The following GJB3 variants were observed in gnomAD, a reference collection of about 807,000 sequenced individuals.
The protein encoded by GJB3 is gap junction protein beta 3.
GJB3 carries 6 observed loss-of-function variants against 8.1 expected under a neutral mutation model. That is an observed-to-expected ratio of 0.75 (90% CI 0.41 to 1.47). The LOEUF (loss-of-function observed/expected upper bound fraction) is 1.47, where lower values mean the gene tolerates loss of function less well. Among genes scored for constraint, GJB3 ranks in the 40% most tolerant of loss-of-function variants. The probability of loss-of-function intolerance (pLI) is 0.02; values close to 1 mark genes in which losing one functional copy is unlikely to be tolerated. For synonymous variants in GJB3, 137 were observed against 156.4 expected, an observed-to-expected ratio of 0.88 and a Z score of 0.93; for missense variants, 348 against 365.6, an observed-to-expected ratio of 0.95 and a Z score of 0.39.
chr1:34,782,726 A>T (rs1189363408), intron 1 of GJB3, among the ~76,000 whole-genome samples: 1 of 152,066 alleles, frequency 6.6e-6, no homozygotes, highest in East Asian at 1.9e-4. Flanking sequence ...CCAGACTGTG[A>T]TTCCCAGAGG....
At position 34,785,422 on chromosome 1, in the gene GJB3, G is replaced by C; in HGVS notation, c.660G>C (p.Lys220Asn). ...ACAGGGTCCTGCGAGGCCTGCACAA[G>C]GACAAGCCTCGAGGGGGTTGCAGCC... ...ICHRVLRGLHKDKPRGGCSPS... is the reference protein window; with the variant it reads ...ICHRVLRGLHNDKPRGGCSPS... The change falls in exon 2 of 2, where the codon AAG becomes AAC. Residue 220 changes from lysine to asparagine, a missense_variant. Physicochemically the swap from Lys to Asn is moderately conservative, Grantham distance 94 (BLOSUM62 0). Transcript: ENST00000373366. The surrounding 1 kb of genome is among the most constrained non-coding windows in gnomAD (Gnocchi z 4.7). 1 of 1,613,348 alleles carries C rather than the reference G, an allele frequency of 6.2e-7. No individual in the cohort carries two copies. The highest frequency in any genetic ancestry group is 8.5e-7 in the Non-Finnish European group (1 of 1,179,576).
Position 34,784,826 on chromosome 1 carries a change from C to A in GJB3, c.64C>A (p.Arg22Ser). The change falls in exon 2 of 2, where the codon CGC (arginine) becomes AGC (serine). Residue 22 changes from arginine to serine, a missense_variant. Arg to Ser is a moderately radical substitution (Grantham distance 110). Coordinates refer to ENST00000373366, the MANE Select transcript of GJB3 (RefSeq NM_024009.3). Reference sequence around the variant, plus strand: ...GAACAAGTACTCCACAGCGTTCGGGCGCATCTGGCTGTCCGTGGTGTTCGT... The same window carrying A: ...GAACAAGTACTCCACAGCGTTCGGGAGCATCTGGCTGTCCGTGGTGTTCGT... ...GVNKYSTAFG[R>S]IWLSVVFVFR... 1.1e-5 allele frequency: 18 copies of A among 1,614,214 alleles called. No homozygotes were observed. Among genetic ancestry groups the A allele is most frequent in the Non-Finnish European group, 1.4e-5 (17 of 1,180,038 alleles).
At position 34,785,265 on chromosome 1, in the gene GJB3, C is replaced by A. The variant is rs779723678; in HGVS notation, c.503C>A (p.Ala168Asp). 49 of 1,613,790 alleles carry A rather than the reference C, an allele frequency of 3.0e-5. No homozygotes were observed. Among genetic ancestry groups the A allele is most frequent in the Non-Finnish European group, 4.2e-5 (49 of 1,179,996 alleles). ...MPRLVQCANV[A>D]PCPNIVDCYI... ...CGCCTGGTGCAGTGTGCCAACGTGG[C>A]CCCCTGCCCCAACATCGTGGACTGC... The change falls in exon 2 of 2, where the codon GCC becomes GAC. Residue 168 changes from alanine to aspartate, a missense_variant. Ala to Asp is a moderately radical substitution (Grantham distance 126, BLOSUM62 -2). Transcript: ENST00000373366. This position sits in a 1 kb window ranked among gnomAD's most constrained non-coding sequence, Gnocchi z 4.7.
In GJB3 at chr1:34,786,351, T is replaced by C. The variant is rs1640117585; in HGVS notation, c.*776T>C. On this transcript the variant is annotated 3_prime_UTR_variant, in exon 2 of 2. Coordinates refer to ENST00000373366, the MANE Select transcript of GJB3 (RefSeq NM_024009.3). This position sits in a 1 kb window ranked among gnomAD's most constrained non-coding sequence, Gnocchi z 4.4. ...AGACAGTTTCCTTGAAATCAATAAATACTGTGTTTTATACAGGTTGGCTCT... is the reference window on the plus strand; with the variant it reads ...AGACAGTTTCCTTGAAATCAATAAACACTGTGTTTTATACAGGTTGGCTCT... The C allele has an allele frequency of 6.0e-6, 1 of 167,168 alleles. No individual in the cohort carries two copies. Among genetic ancestry groups the C allele is most frequent in the Non-Finnish European group, 1.5e-5 (1 of 68,176 alleles). 10.4% of individuals were successfully genotyped at this position (167,168 alleles called of 1,614,324 possible).
rs1198515472 is a variant in GJB3, at chr1:34,785,586, G to C, written c.*11G>C. The stretch of plus-strand genomic sequence containing the variant: ...CTGACCCCCATCTGACCACAGGGCA[G>C]GGGTGGGGCAACATGCGGGCTGCCA... On this transcript the variant is annotated 3_prime_UTR_variant, in exon 2 of 2. Coordinates refer to ENST00000373366, the MANE Select transcript of GJB3 (RefSeq NM_024009.3). The surrounding 1 kb of genome is among the most constrained non-coding windows in gnomAD (Gnocchi z 4.7). 1 of 1,610,590 alleles carries C rather than the reference G, an allele frequency of 6.2e-7. No homozygotes were observed. Among genetic ancestry groups the C allele is most frequent in the Non-Finnish European group, 8.5e-7 (1 of 1,177,154 alleles).
rs373186826 is a variant in GJB3 at position 34,784,948 on chromosome 1, C to T, written c.186C>T (p.Asn62=). ...ACACCAAGCAGCCCGGCTGCACCAA[C>T]GTCTGCTACGACAACTACTTCCCCA... is the stretch of plus-strand genomic sequence containing the variant. The part of the protein sequence containing the change: ...DCNTKQPGCT[N]VCYDNYFPIS... Residue 62 remains asparagine (N), a synonymous_variant, in exon 2 of 2, where the codon AAC becomes AAT. Coordinates refer to ENST00000373366, the MANE Select transcript of GJB3 (RefSeq NM_024009.3). 72 of 1,614,106 alleles carry T rather than the reference C, an allele frequency of 4.5e-5. No homozygotes were observed. In the Middle Eastern group the frequency reaches 4.9e-4, roughly 11 times the overall value.
Position 34,785,797 on chromosome 1 carries a change from G to A in GJB3, c.*222G>A. 1 of 602,270 alleles carries A rather than the reference G, an allele frequency of 1.7e-6. No individual in the cohort carries two copies. The highest frequency in any genetic ancestry group is 3.0e-6 in the Non-Finnish European group (1 of 329,092). 37.3% of individuals were successfully genotyped at this position (602,270 alleles called of 1,614,324 possible). On this transcript the variant is annotated 3_prime_UTR_variant, in exon 2 of 2. Coordinates refer to ENST00000373366, the MANE Select transcript of GJB3 (RefSeq NM_024009.3). The surrounding 1 kb of genome is among the most constrained non-coding windows in gnomAD (Gnocchi z 4.7). The stretch of plus-strand genomic sequence containing the variant: ...CCAGCCCTCAAAGGACATAGACTTT[G>A]AAACAAGCGAATTAACTATCTACGC...
intron 1 of GJB3, among the ~76,000 whole-genome samples, chr1:34,783,070 T>C (rs753514205): frequency 4.6e-5 from 7 of 152,050 alleles, no homozygotes; most frequent in African/African-American, 7.2e-5. Flanking sequence ...GACTAAGTGC[T>C]ATAAAGAAAA....
Position 34,785,348 on chromosome 1 carries a change from G to A in GJB3, c.586G>A (p.Ala196Thr), listed in dbSNP as rs138304650. Residue 196 changes from alanine to threonine, a missense_variant, in exon 2 of 2, where the codon GCC becomes ACC. Physicochemically the swap from Ala to Thr is moderately conservative, Grantham distance 58. Coordinates refer to ENST00000373366, the MANE Select transcript of GJB3 (RefSeq NM_024009.3). The surrounding 1 kb of genome is among the most constrained non-coding windows in gnomAD (Gnocchi z 4.7). The stretch of plus-strand genomic sequence containing the variant: ...CACCTACTTCATGGTGGGCGCCTCC[G>A]CCGTCTGCATCGTACTCACCATCTG... Reference protein sequence around the residue: ...IFTYFMVGASAVCIVLTICEL... With the variant: ...IFTYFMVGASTVCIVLTICEL... 25 of 1,613,242 alleles carry A rather than the reference G, an allele frequency of 1.5e-5. No individual in the cohort carries two copies. Among genetic ancestry groups the A allele is most frequent in the Middle Eastern group, 3.3e-4 (2 of 6,084 alleles).
intron 1 of GJB3, chr1:34,782,439 C>G (rs1640027306): frequency 6.6e-6 from 1 of 152,158 alleles, no homozygotes; most frequent in Non-Finnish European, 1.5e-5. Flanking sequence ...TGAACTCCCA[C>G]CAGGTGAGTA....
intron 1 of GJB3, among the ~76,000 whole-genome samples, chr1:34,784,124 A>T (rs925817565): frequency 6.6e-6 from 1 of 152,210 alleles, no homozygotes; most frequent in African/African-American, 2.4e-5. Flanking sequence ...TTCACAGTAT[A>T]GTAGTGAGGC....
Position 34,785,123 on chromosome 1 carries a change from G to A in GJB3, c.361G>A (p.Gly121Ser). The change falls in exon 2 of 2, where the codon GGC (glycine) becomes AGC (serine). Residue 121 changes from glycine to serine, a missense_variant. Gly to Ser is a moderately conservative substitution (Grantham distance 56). Coordinates refer to ENST00000373366, the MANE Select transcript of GJB3 (RefSeq NM_024009.3). This position sits in a 1 kb window ranked among gnomAD's most constrained non-coding sequence, Gnocchi z 4.7. ...GTGCGCCAAGCTGTACGACAACGCAGGCAAGAAGCACGGAGGCCTGTGGTG... is the reference window on the plus strand; with the variant it reads ...GTGCGCCAAGCTGTACGACAACGCAAGCAAGAAGCACGGAGGCCTGTGGTG... ...DQCAKLYDNA[G>S]KKHGGLWWTY... 6.2e-7 allele frequency: 1 copy of A among 1,614,140 alleles called. No individual in the cohort carries two copies. The highest frequency in any genetic ancestry group is 8.5e-7 in the Non-Finnish European group (1 of 1,180,038).
intron 1 of GJB3, among the ~76,000 whole-genome samples, chr1:34,782,618 C>G (rs1640029589): frequency 6.6e-6 from 1 of 152,140 alleles, no homozygotes; most frequent in Non-Finnish European, 1.5e-5. Flanking sequence ...TCCATGCTAT[C>G]CCACTCCCTT....
Position 34,785,098 on chromosome 1 carries a change from G to T in GJB3, c.336G>T (p.Gln112His), listed in dbSNP as rs1640083268. 6.2e-7 allele frequency: 1 copy of T among 1,614,022 alleles called. No homozygotes were observed. The highest frequency in any genetic ancestry group is 1.3e-5 in the African/African-American group (1 of 74,928). ...ERRHRQKHGD[Q>H]CAKLYDNAGK... ...GGCACCGCCAGAAACACGGGGACCA[G>T]TGCGCCAAGCTGTACGACAACGCAG... The change falls in exon 2 of 2, where the codon CAG (glutamine) becomes CAT (histidine). Residue 112 changes from glutamine (Q) to histidine (H), a missense_variant. Gln to His is a conservative substitution (Grantham distance 24, BLOSUM62 0). Coordinates refer to ENST00000373366, the MANE Select transcript of GJB3 (RefSeq NM_024009.3). The surrounding 1 kb of genome is among the most constrained non-coding windows in gnomAD (Gnocchi z 4.7).
rs764266948 is a variant in GJB3, at chr1:34,785,001, A to G, written c.239A>G (p.Gln80Arg). ...PISNIRLWAL[Q>R]LIFVTCPSLL... Reference sequence around the variant, plus strand: ...TCCAACATCCGCCTCTGGGCCCTGCAGCTCATCTTCGTCACATGCCCCTCG... The same window carrying G: ...TCCAACATCCGCCTCTGGGCCCTGCGGCTCATCTTCGTCACATGCCCCTCG... Residue 80 changes from glutamine (Q) to arginine (R), a missense_variant, in exon 2 of 2, where the codon CAG becomes CGG. Transcript: ENST00000373366. The surrounding 1 kb of genome is among the most constrained non-coding windows in gnomAD (Gnocchi z 4.7). The G allele has an allele frequency of 1.2e-6, 2 of 1,614,176 alleles. No homozygotes were observed. Among genetic ancestry groups the G allele is most frequent in the South Asian group, 2.2e-5 (2 of 91,084 alleles).
At position 34,785,545 on chromosome 1, in the gene GJB3, G is replaced by A. The variant is rs771511736; in HGVS notation, c.783G>A (p.Gln261=). Residue 261 remains glutamine (Q), a synonymous_variant, in exon 2 of 2, where the codon CAG becomes CAA. Transcript: ENST00000373366. The surrounding 1 kb of genome is among the most constrained non-coding windows in gnomAD (Gnocchi z 4.7). The part of the protein sequence containing the change: ...VDPDPGNNKL[Q]ASAPNLTPI ...CAGACCCAGGCAATAACAAGCTGCA[G>A]GCTTCAGCACCCAACCTGACCCCCA... 1 of 1,614,148 alleles carries A rather than the reference G, an allele frequency of 6.2e-7. No individual in the cohort carries two copies. The highest frequency in any genetic ancestry group is 8.5e-7 in the Non-Finnish European group (1 of 1,180,028).
rs754114859 is a variant in GJB3 at position 34,784,916 on chromosome 1, G to C, written c.154G>C (p.Asp52His). ...RVWGDEQKDF[D>H]CNTKQPGCTN... ...GTGGGGGGATGAGCAGAAGGACTTTGACTGCAACACCAAGCAGCCCGGCTG... is the reference window on the plus strand; with the variant it reads ...GTGGGGGGATGAGCAGAAGGACTTTCACTGCAACACCAAGCAGCCCGGCTG... The change falls in exon 2 of 2, where the codon GAC (aspartate) becomes CAC (histidine). Residue 52 changes from aspartate (D) to histidine (H), a missense_variant. Asp to His is a moderately conservative substitution (Grantham distance 81, BLOSUM62 -1). Transcript: ENST00000373366. 1.2e-6 allele frequency: 2 copies of C among 1,614,166 alleles called. No individual in the cohort carries two copies. The highest frequency in any genetic ancestry group is 1.1e-5 in the South Asian group (1 of 91,080).
At chr1:34,783,170 C>T (rs1175287509) in intron 1 of GJB3, among the ~76,000 whole-genome samples, 3 of 151,178 alleles carry the variant, frequency 2.0e-5, no homozygotes, top group Non-Finnish European at 4.4e-5. Flanking sequence ...CTCCCTTGAG[C>T]CTGGGAAGCA....
chr1:34,785,599 A>C lies in GJB3; in HGVS notation c.*24A>C. On this transcript the variant is annotated 3_prime_UTR_variant, in exon 2 of 2. Transcript: ENST00000373366. This position sits in a 1 kb window ranked among gnomAD's most constrained non-coding sequence, Gnocchi z 4.7. Reference sequence around the variant, plus strand: ...GACCACAGGGCAGGGGTGGGGCAACATGCGGGCTGCCAATGGGACATGCAG... The same window carrying C: ...GACCACAGGGCAGGGGTGGGGCAACCTGCGGGCTGCCAATGGGACATGCAG... 3 of 1,586,902 alleles carry C rather than the reference A, an allele frequency of 1.9e-6. No homozygotes were observed. The highest frequency in any genetic ancestry group is 1.3e-5 in the African/African-American group (1 of 74,484).
Sources: allele counts gnomAD v4.1 joint callset (sites outside exome capture counted in the v4.1 genomes callset), GRCh38; gene constraint gnomAD v4.1.1; non-coding constraint Gnocchi (gnomAD v3.1); transcripts MANE v1.5; gene names NCBI Gene and HGNC (gene_info 2026-07-23, HGNC 2026-07-21).